Variants in RALYL observed in about 807,000 individuals in gnomAD.
The protein encoded by RALYL is RALY RNA binding protein like.
In RALYL, 29 loss-of-function variants were observed where a neutral mutation model predicts 35.1. The observed-to-expected ratio is 0.83, with a 90% CI of 0.61 to 1.13. The LOEUF is 1.13. Ranked by LOEUF, RALYL falls within the 50% of genes most tolerant of loss-of-function variation. The pLI is 0.00. For synonymous variants in RALYL, 120 were observed against 127.6 expected (o/e 0.94, Z 0.40); for missense variants, 359 against 360.4 (o/e 1.00, Z 0.03).
chr8:84,337,103 C>G (rs1318892917), intron 1 of RALYL, among the ~76,000 whole-genome samples: 2 of 151,016 alleles, frequency 1.3e-5, no homozygotes, highest in African/African-American at 4.9e-5. Context: ...AAGGGTTAAT[C>G]AAATTATTAC....
intron 2 of RALYL, among the ~76,000 whole-genome samples, chr8:84,621,037 C>T (rs1472231054): frequency 6.6e-6 from 1 of 152,204 alleles, no homozygotes; most frequent in Non-Finnish European, 1.5e-5. Flanking sequence ...GAGGTTACTG[C>T]TGTCTTTTTG....
chr8:84,252,283 C>T (rs1481404355), intron 1 of RALYL, among the ~76,000 whole-genome samples: 1 of 151,928 alleles, frequency 6.6e-6, no homozygotes, highest in Non-Finnish European at 1.5e-5. Flanking sequence ...TTATAGGTAG[C>T]CAGTGCTCAT....
At chr8:84,671,285 G>A (rs1167969504) in intron 2 of RALYL, among the ~76,000 whole-genome samples, 2 of 152,156 alleles carry the variant, frequency 1.3e-5, no homozygotes, top group Non-Finnish European at 2.9e-5. Flanking sequence ...GCTGTAATAG[G>A]CTGGCATTGA....
At chr8:84,887,504 C>CA in intron 7 of RALYL, 100 bp from the exon 8 acceptor site, 1 of 968,218 alleles carries the variant, frequency 1.0e-6, no homozygotes, top group African/African-American at 1.6e-5. Flanking sequence ...CCTTTAATAG[C>CA]ATATAGCGTT....
At chr8:84,634,580 T>G (rs1444761802) in intron 2 of RALYL, among the ~76,000 whole-genome samples, 1 of 151,858 alleles carries the variant, frequency 6.6e-6, no homozygotes, top group Admixed American at 6.6e-5. Flanking sequence ...TTCAGTACAT[T>G]TATTAATAAG....
At chr8:84,372,886 GTT>G (rs76885544) in intron 1 of RALYL, among the ~76,000 whole-genome samples, 72 of 39,064 alleles carry the variant, frequency 1.8e-3, no homozygotes, top group African/African-American at 5.7e-3. Context: ...GCCAGCATCT[GTT>G]TTTTTTTTTT....
intron 4 of RALYL, among the ~76,000 whole-genome samples, chr8:84,844,424 A>G (rs1416062179): frequency 1.3e-5 from 2 of 152,180 alleles, no homozygotes; most frequent in African/African-American, 2.4e-5. Context: ...ATGAGATACC[A>G]TCTCACACCA....
chr8:84,654,453 T>C (rs578247698), intron 2 of RALYL, among the ~76,000 whole-genome samples: 3 of 151,580 alleles, frequency 2.0e-5, no homozygotes, highest in Non-Finnish European at 4.4e-5. Context: ...CCAATTATTC[T>C]GTTACTTATT....
At chr8:84,528,225 A>G (rs2059038331) in intron 1 of RALYL, among the ~76,000 whole-genome samples, 2 of 152,156 alleles carry the variant, frequency 1.3e-5, no homozygotes, top group Non-Finnish European at 2.9e-5. Context: ...ATGATCATCA[A>G]TGTCAGGGAC....
At position 84,205,346 on chromosome 8, in the gene RALYL, C is replaced by T. The variant is rs1001644400; in HGVS notation, c.-24+20922C>T. ...GTTTTTCAAGGTCAAATAAATGAATCGTGATGAGGAAGGCCACGTGTCTAG... is the reference window on the plus strand; with the variant it reads ...GTTTTTCAAGGTCAAATAAATGAATTGTGATGAGGAAGGCCACGTGTCTAG... On this transcript the variant is annotated intron_variant, in intron 1 of 8. Transcript: ENST00000521268. Among the ~76,000 whole-genome samples, 3 of 152,062 alleles carry T rather than the reference C, an allele frequency of 2.0e-5. No homozygotes were observed. In the East Asian group the frequency reaches 5.8e-4, roughly 29 times the overall value.
chr8:84,654,035 T>C (rs944116532), intron 2 of RALYL, among the ~76,000 whole-genome samples: 1 of 150,698 alleles, frequency 6.6e-6, no homozygotes, highest in Non-Finnish European at 1.5e-5. Flanking sequence ...TGGTTTGTTT[T>C]GTTTTAATTT....
intron 1 of RALYL, among the ~76,000 whole-genome samples, chr8:84,492,314 T>C (rs1587745573): frequency 6.6e-6 from 1 of 152,240 alleles, no homozygotes; most frequent in Non-Finnish European, 1.5e-5. Flanking sequence ...ACCTAATTTA[T>C]GCATATAATT....
chr8:84,894,894 C>T (rs1260528279), intron 8 of RALYL, among the ~76,000 whole-genome samples: 5 of 152,192 alleles, frequency 3.3e-5, no homozygotes, highest in Non-Finnish European at 7.3e-5. Flanking sequence ...AAGAGCTCTG[C>T]CTGCAGTCTG....
chr8:84,666,290 A>AT (rs1232995403), intron 2 of RALYL, among the ~76,000 whole-genome samples: 1 of 152,066 alleles, frequency 6.6e-6, no homozygotes, highest in Non-Finnish European at 1.5e-5. Flanking sequence ...AAGATGCTCT[A>AT]TTGAAAAAGG....
chr8:84,267,037 T>C (rs1008455001), intron 1 of RALYL, among the ~76,000 whole-genome samples: 2 of 151,444 alleles, frequency 1.3e-5, no homozygotes, highest in African/African-American at 4.9e-5. Flanking sequence ...CAGGGACTTA[T>C]ACTGAGAGAG....
Position 84,350,996 on chromosome 8 carries a change from G to T in RALYL, c.-24+166572G>T, listed in dbSNP as rs1011855749. Reference sequence around the variant, plus strand: ...ATAAGGAGGGGGTGAGCGGATTGTGGCATGACATTGTTTTTCATAACATGT... The same window carrying T: ...ATAAGGAGGGGGTGAGCGGATTGTGTCATGACATTGTTTTTCATAACATGT... On this transcript the variant is annotated intron_variant, in intron 1 of 8. Coordinates refer to ENST00000521268, the MANE Select transcript of RALYL (RefSeq NM_173848.7). Among the ~76,000 whole-genome samples, 30 of 149,806 alleles carry T rather than the reference G, an allele frequency of 2.0e-4. 1 individual carries two copies. The highest frequency in any genetic ancestry group is 1.0e-4 in the Non-Finnish European group (7 of 67,618).
chr8:84,887,564 C>T (rs1203814639), intron 7 of RALYL, 40 bp from the exon 8 acceptor site: 36 of 1,541,722 alleles, frequency 2.3e-5, no homozygotes, highest in Non-Finnish European at 3.1e-5. Context: ...GGCTCATGAG[C>T]AACCCAAGGT....
At chr8:84,601,399 G>T (rs1815914238) in intron 2 of RALYL, among the ~76,000 whole-genome samples, 1 of 152,022 alleles carries the variant, frequency 6.6e-6, no homozygotes, top group Non-Finnish European at 1.5e-5. Flanking sequence ...CTTAACAGTG[G>T]GGCAGATGCT....
At chr8:84,466,779 CTT>C (rs200069507) in intron 1 of RALYL, among the ~76,000 whole-genome samples, 51,457 of 150,006 alleles carry the variant, frequency 0.34, 8,990 homozygotes, top group South Asian at 0.51. Flanking sequence ...GTCCTGGACT[CTT>C]TTGGTTGGTA....
Sources: gnomAD v4.1 joint callset for allele counts (sites outside exome capture counted in the v4.1 genomes callset) on GRCh38, gnomAD v4.1.1 for gene constraint, MANE v1.5 for transcripts, NCBI Gene and HGNC (gene_info 2026-07-23, HGNC 2026-07-21) for gene names.